Variants in KCNIP1 observed in about 807,000 individuals in gnomAD.
KCNIP1 encodes potassium voltage-gated channel interacting protein 1.
A neutral mutation model predicts 33.0 loss-of-function variants in KCNIP1; 18 were observed. The ratio of observed to expected loss-of-function variants is 0.55; its 90% CI spans 0.38 to 0.81. KCNIP1 has a LOEUF of 0.81. Among genes scored for constraint, KCNIP1 ranks in the 30% least tolerant of loss-of-function variants. The pLI is 0.00. For missense variants in KCNIP1, 238 were observed against 271.6 expected (o/e 0.88, Z 0.87); for synonymous variants, 93 against 98.3 (o/e 0.95, Z 0.32).
At chr5:170,636,580 C>A (rs1760291493) in intron 1 of KCNIP1, among the ~76,000 whole-genome samples, 1 of 152,176 alleles carries the variant, frequency 6.6e-6, no homozygotes, top group African/African-American at 2.4e-5. Flanking sequence ...GGCCACGCTT[C>A]CTGATCCGAG....
At chr5:170,653,240 G>A (rs919870991) in intron 1 of KCNIP1, among the ~76,000 whole-genome samples, 2 of 152,204 alleles carry the variant, frequency 1.3e-5, no homozygotes, top group Admixed American at 1.3e-4. Flanking sequence ...ATCTTGCCAA[G>A]TGTCCATGAG....
chr5:170,720,500 C>A, intron 3 of KCNIP1, 110 bp downstream of exon 3: 1 of 846,864 alleles, frequency 1.2e-6, no homozygotes. Flanking sequence ...GAGGAAGAGA[C>A]AAACTCAGGG....
chr5:170,597,808 T>A (rs201061252), intron 1 of KCNIP1, among the ~76,000 whole-genome samples: 109 of 5,360 alleles, frequency 0.02, 5 homozygotes, highest in East Asian at 0.15. Flanking sequence ...TATATATATA[T>A]ATATATATAT....
chr5:170,686,009 C>T (rs868622626), intron 1 of KCNIP1, among the ~76,000 whole-genome samples: 17 of 152,100 alleles, frequency 1.1e-4, no homozygotes, highest in African/African-American at 3.6e-4. Flanking sequence ...TAAACCATCC[C>T]TTATTCTACA....
intron 1 of KCNIP1, among the ~76,000 whole-genome samples, chr5:170,548,697 C>A (rs1302764994): frequency 6.6e-6 from 1 of 152,188 alleles, no homozygotes. Flanking sequence ...AAAGGTCTAG[C>A]TCTTTGAGGT....
chr5:170,537,601 T>A (rs1756041760), intron 1 of KCNIP1, among the ~76,000 whole-genome samples: 1 of 152,202 alleles, frequency 6.6e-6, no homozygotes, highest in Non-Finnish European at 1.5e-5. Flanking sequence ...ATGAGGCCCC[T>A]GCCTTCCGAC....
chr5:170,439,688 T>A (rs567232019), intron 1 of KCNIP1, among the ~76,000 whole-genome samples: 1 of 152,284 alleles, frequency 6.6e-6, no homozygotes, highest in East Asian at 1.9e-4. Flanking sequence ...TACTCCTGGG[T>A]CGAGCTGCAG....
chr5:170,372,581 GA>G (rs1007059942), intron 1 of KCNIP1, among the ~76,000 whole-genome samples: 3 of 152,042 alleles, frequency 2.0e-5, no homozygotes, highest in African/African-American at 7.2e-5. Flanking sequence ...TATCTCACTG[GA>G]AAAAAGACAC....
chr5:170,401,611 A>T (rs1754906088), intron 1 of KCNIP1, among the ~76,000 whole-genome samples: 1 of 151,964 alleles, frequency 6.6e-6, no homozygotes, highest in Non-Finnish European at 1.5e-5. Context: ...AATTTCTTTT[A>T]ATGAGCCAGG....
intron 1 of KCNIP1, among the ~76,000 whole-genome samples, chr5:170,468,133 T>C (rs1166173008): frequency 2.0e-5 from 3 of 152,180 alleles, no homozygotes; most frequent in African/African-American, 7.2e-5. Flanking sequence ...TAAGTTGAAA[T>C]CTTACTGTAT....
At chr5:170,473,220 G>C (rs937389588) in intron 1 of KCNIP1, among the ~76,000 whole-genome samples, 2 of 152,112 alleles carry the variant, frequency 1.3e-5, no homozygotes, top group Non-Finnish European at 2.9e-5. Flanking sequence ...TTAGCCATTT[G>C]TATATCTTTT....
intron 1 of KCNIP1, among the ~76,000 whole-genome samples, chr5:170,444,543 G>A (rs1020433875): frequency 2.0e-5 from 3 of 152,120 alleles, no homozygotes; most frequent in Admixed American, 6.5e-5. Flanking sequence ...CACAGGCATA[G>A]GGATGAGGAT....
intron 1 of KCNIP1, among the ~76,000 whole-genome samples, chr5:170,669,093 T>C (rs1439864990): frequency 1.3e-5 from 2 of 152,226 alleles, no homozygotes; most frequent in African/African-American, 4.8e-5. Flanking sequence ...GCCCCACTGA[T>C]GGTGTGAATA....
chr5:170,385,468 A>C (rs1764430781), intron 1 of KCNIP1: 1 of 1,614,048 alleles, frequency 6.2e-7, no homozygotes, highest in East Asian at 2.2e-5. Context: ...GGCAGTGATC[A>C]TTTCTAGGTC....
intron 1 of KCNIP1, among the ~76,000 whole-genome samples, chr5:170,619,895 C>T (rs1759536690): frequency 6.6e-6 from 1 of 152,068 alleles, no homozygotes; most frequent in Admixed American, 6.6e-5. Flanking sequence ...GTCAGCATCC[C>T]CCAATCACAG....
chr5:170,648,629 G>A (rs1236977908), intron 1 of KCNIP1, among the ~76,000 whole-genome samples: 3 of 152,196 alleles, frequency 2.0e-5, no homozygotes, highest in Non-Finnish European at 1.5e-5. Flanking sequence ...TGATTAGGTG[G>A]AGCACAAAGG....
chr5:170,434,895 C>T (rs1375643977), intron 1 of KCNIP1, among the ~76,000 whole-genome samples: 1 of 152,186 alleles, frequency 6.6e-6, no homozygotes, highest in Non-Finnish European at 1.5e-5. Flanking sequence ...GGGGAGGTTG[C>T]AGTGAGCCAA....
chr5:170,466,651 C>A (rs1756614573), intron 1 of KCNIP1, among the ~76,000 whole-genome samples: 1 of 152,168 alleles, frequency 6.6e-6, no homozygotes, highest in Non-Finnish European at 1.5e-5. Flanking sequence ...AGTCTAGGAT[C>A]AAGGTGCAAG....
At chr5:170,486,281 T>G (rs1259804593) in intron 1 of KCNIP1, 2 of 152,206 alleles carry the variant, frequency 1.3e-5, no homozygotes, top group African/African-American at 4.8e-5. Flanking sequence ...CCTGTTTTCA[T>G]TCATTAGCAG....
Sources: allele counts gnomAD v4.1 joint callset (sites outside exome capture counted in the v4.1 genomes callset), GRCh38; gene constraint gnomAD v4.1.1; transcripts MANE v1.5; gene names NCBI Gene and HGNC (gene_info 2026-07-23, HGNC 2026-07-21).